Variants in GJC1 observed in about 807,000 individuals in gnomAD.
GJC1 encodes gap junction protein gamma 1, also known as gap junction gamma-1 protein.
Under a neutral mutation model 29.3 loss-of-function variants are expected in GJC1, and 5 were observed. The ratio of observed to expected loss-of-function variants is 0.17; its 90% CI spans 0.09 to 0.36. The LOEUF is 0.36. Among genes scored for constraint, GJC1 ranks in the 10% least tolerant of loss-of-function variants. The pLI, the probability that GJC1 is intolerant of heterozygous loss-of-function variation, is 1.00. For synonymous variants in GJC1, 177 were observed against 183.3 expected (o/e 0.97, Z 0.28); for missense variants, 310 against 496.2 (o/e 0.62, Z 3.56).
chr17:44,810,297 A>G (rs2049963244), intron 1 of GJC1, among the ~76,000 whole-genome samples: 2 of 152,186 alleles, frequency 1.3e-5, no homozygotes, highest in Admixed American at 1.3e-4. Flanking sequence ...GCGCCCGGCC[A>G]AATGTGTATC....
chr17:44,826,601 G>A (rs1006726360), intron 1 of GJC1, among the ~76,000 whole-genome samples: 1 of 151,834 alleles, frequency 6.6e-6, no homozygotes, highest in Admixed American at 6.6e-5. Flanking sequence ...AAACTCTTTG[G>A]GCAATATATT....
chr17:44,822,695 G>A (rs979013965), intron 1 of GJC1, among the ~76,000 whole-genome samples: 2 of 146,496 alleles, frequency 1.4e-5, no homozygotes, highest in Non-Finnish European at 3.0e-5. Flanking sequence ...GTGTGATAGA[G>A]CCACTTAATA....
At position 44,830,251 on chromosome 17, in the gene GJC1, C is replaced by T; in HGVS notation, c.-286G>A. The stretch of plus-strand genomic sequence containing the variant: ...CTCCCGCCGCTGCCGCCGCCGCCGC[C>T]GCCTCCCGCTCCCGCCGCCGCGACC... On this transcript the variant is annotated 5_prime_UTR_variant, in exon 1 of 3. Coordinates refer to ENST00000592524, the MANE Select transcript of GJC1 (RefSeq NM_005497.4). The surrounding 1 kb of genome is among the most constrained non-coding windows in gnomAD (Gnocchi z 4.3). 1 of 160,168 alleles carries T rather than the reference C, an allele frequency of 6.2e-6. No individual in the cohort carries two copies. Among genetic ancestry groups the T allele is most frequent in the Non-Finnish European group, 1.3e-5 (1 of 75,318 alleles). 9.9% of individuals were successfully genotyped at this position (160,168 alleles called of 1,614,324 possible). A position where few individuals can be genotyped will look rare whatever the true frequency, so the allele number is the denominator to read the frequency against.
At chr17:44,814,278 C>T (rs1312798560) in intron 1 of GJC1, among the ~76,000 whole-genome samples, 1 of 151,544 alleles carries the variant, frequency 6.6e-6, no homozygotes, top group Admixed American at 6.6e-5. Flanking sequence ...GAAGCTGGGA[C>T]TACAGGTGCC....
rs1474235003 is a variant in GJC1 at position 44,798,466 on chromosome 17, T to C, written c.*6161A>G. ...CCACAAATGAATCTTCAAAACTGTA[T>C]TTGGAATTGACAAAATCTTCCTAGA... On this transcript the variant is annotated 3_prime_UTR_variant, in exon 3 of 3. Coordinates refer to ENST00000592524, the MANE Select transcript of GJC1 (RefSeq NM_005497.4). 3 of 152,162 alleles carry C rather than the reference T, an allele frequency of 2.0e-5. No individual in the cohort carries two copies. The allele number at this position is 152,162 out of a possible 1,614,324, so 9.4% of individuals were successfully genotyped here.
chr17:44,825,939 G>C (rs1567716198), intron 1 of GJC1, among the ~76,000 whole-genome samples: 1 of 151,864 alleles, frequency 6.6e-6, no homozygotes. Flanking sequence ...TTTTTATTTT[G>C]AGACAGAGTC....
In GJC1 at chr17:44,803,215, C is replaced by T. The variant is rs940047238; in HGVS notation, c.*1412G>A. 2.0e-5 allele frequency: 3 copies of T among 152,030 alleles called. No homozygotes were observed. Among genetic ancestry groups the T allele is most frequent in the Non-Finnish European group, 2.9e-5 (2 of 68,024 alleles). The allele number at this position is 152,030 out of a possible 1,614,324, so 9.4% of individuals were successfully genotyped here. On this transcript the variant is annotated 3_prime_UTR_variant, in exon 3 of 3. Transcript: ENST00000592524. ...CTTTCATTAGAAAAGGGTGAGACGC[C>T]CAAATAAAATGCTCCCTGGTGGAAC...
upstream of GJC1, chr17:44,830,618 G>C: frequency 2.5e-6 from 1 of 398,680 alleles, no homozygotes; most frequent in Non-Finnish European, 4.4e-6. The surrounding 1 kb of genome is among the most constrained non-coding windows in gnomAD (Gnocchi z 4.3). Context: ...CGCTAACGGC[G>C]CCGTGGGTTC....
rs1333940779 is a variant in GJC1, at chr17:44,799,692, G to A, written c.*4935C>T. On this transcript the variant is annotated 3_prime_UTR_variant, in exon 3 of 3. Coordinates refer to ENST00000592524, the MANE Select transcript of GJC1 (RefSeq NM_005497.4). ...CCAGCACCTTCGGAGGCTGTGATGGGAGGATTGCTTGGGCCCAGGAGTTTG... is the reference window on the plus strand; with the variant it reads ...CCAGCACCTTCGGAGGCTGTGATGGAAGGATTGCTTGGGCCCAGGAGTTTG... 1.3e-5 allele frequency: 2 copies of A among 152,276 alleles called. No individual in the cohort carries two copies. Among genetic ancestry groups the A allele is most frequent in the Non-Finnish European group, 2.9e-5 (2 of 68,066 alleles). The allele number at this position is 152,276 out of a possible 1,614,324, so 9.4% of individuals were successfully genotyped here.
rs2049814563 is a variant in GJC1 at position 44,799,373 on chromosome 17, T to C, written c.*5254A>G. The C allele has an allele frequency of 6.6e-6, 1 of 151,550 alleles. No homozygotes were observed. Among genetic ancestry groups the C allele is most frequent in the East Asian group, 1.9e-4 (1 of 5,136 alleles). 9.4% of individuals were successfully genotyped at this position (151,550 alleles called of 1,614,324 possible). On this transcript the variant is annotated 3_prime_UTR_variant, in exon 3 of 3. Coordinates refer to ENST00000592524, the MANE Select transcript of GJC1 (RefSeq NM_005497.4). ...GGTGTGCACCACCATGCCCGGCTAA[T>C]TTTTGTATTTTTAGTAGAGAGGGGG...
intron 1 of GJC1, among the ~76,000 whole-genome samples, chr17:44,815,382 TTATATC>T (rs2050030586): frequency 6.6e-6 from 1 of 152,126 alleles, no homozygotes; most frequent in Non-Finnish European, 1.5e-5. Context: ...TGCCTTGAGT[TTATATC>T]TATAAATTCT....
intron 2 of GJC1, among the ~76,000 whole-genome samples, chr17:44,806,966 G>C (rs1282567835): frequency 6.6e-6 from 1 of 152,156 alleles, no homozygotes; most frequent in Non-Finnish European, 1.5e-5. Flanking sequence ...AGGGAACTAG[G>C]AAGATCTTCC....
At chr17:44,809,966 C>G (rs1467241567) in intron 1 of GJC1, among the ~76,000 whole-genome samples, 2 of 151,920 alleles carry the variant, frequency 1.3e-5, no homozygotes, top group Non-Finnish European at 2.9e-5. Flanking sequence ...TCACACCATT[C>G]TCCTGCCTCA....
chr17:44,823,558 CCTT>C (rs1214756458), intron 1 of GJC1, among the ~76,000 whole-genome samples: 1 of 151,066 alleles, frequency 6.6e-6, no homozygotes, highest in Non-Finnish European at 1.5e-5. Context: ...CCTCTTTCCT[CCTT>C]TTTTTTAAAA....
At chr17:44,818,768 C>T (rs566492840) in intron 1 of GJC1, among the ~76,000 whole-genome samples, 1 of 152,028 alleles carries the variant, frequency 6.6e-6, no homozygotes, top group South Asian at 2.1e-4. Context: ...GCACTCCAGC[C>T]TGGGCAAGAG....
rs745700083 is a variant in GJC1 at position 44,805,324 on chromosome 17, C to T, written c.494G>A (p.Arg165Gln). The T allele has an allele frequency of 1.2e-6, 2 of 1,614,166 alleles. No individual in the cohort carries two copies. The highest frequency in any genetic ancestry group is 2.7e-5 in the African/African-American group (2 of 75,060). The change falls in exon 3 of 3, where the codon CGA becomes CAA. Residue 165 changes from arginine to glutamine, a missense_variant. Physicochemically the swap from Arg to Gln is conservative, Grantham distance 43. Coordinates refer to ENST00000592524, the MANE Select transcript of GJC1 (RefSeq NM_005497.4). The surrounding 1 kb of genome is among the most constrained non-coding windows in gnomAD (Gnocchi z 5.1). Reference sequence around the variant, plus strand: ...GAGCCCATCTTCCCGAATCCGTCGTCGGCCATCATGCTTAGGTTTGGGTTG... The same window carrying T: ...GAGCCCATCTTCCCGAATCCGTCGTTGGCCATCATGCTTAGGTTTGGGTTG... ...QSQPKPKHDG[R>Q]RRIREDGLMK... is the part of the protein sequence containing the mutation.
chr17:44,821,675 C>T (rs1338586788), intron 1 of GJC1, among the ~76,000 whole-genome samples: 2 of 98,090 alleles, frequency 2.0e-5, no homozygotes, highest in East Asian at 3.5e-4. Flanking sequence ...CCAGCCTGGG[C>T]AACAAGAGGG....
chr17:44,819,645 G>A (rs1019080746), intron 1 of GJC1, among the ~76,000 whole-genome samples: 9 of 151,418 alleles, frequency 5.9e-5, no homozygotes, highest in East Asian at 1.9e-4. Flanking sequence ...GCGACAGAGC[G>A]AGACTCCGTC....
rs930233861 is a variant in GJC1, at chr17:44,804,733, G to A, written c.1085C>T (p.Pro362Leu). 3 of 1,614,068 alleles carry A rather than the reference G, an allele frequency of 1.9e-6. No individual in the cohort carries two copies. In the African/African-American group the frequency reaches 4.0e-5, roughly 22 times the overall value. Residue 362 changes from proline (P) to leucine (L), a missense_variant, in exon 3 of 3, where the codon CCT (proline) becomes CTT (leucine). Around this residue, in one of 4 missense-constraint regions of GJC1, gnomAD observed 146 missense variants for 165.0 expected, o/e 0.88. Transcript: ENST00000592524. ...GGCCTTCTTCTCCCGGGGACCATGAGGGTTGTTTTGGTGACTGTAGGCCTG... is the reference window on the plus strand; with the variant it reads ...GGCCTTCTTCTCCCGGGGACCATGAAGGTTGTTTTGGTGACTGTAGGCCTG... ...AVQAYSHQNN[P>L]HGPREKKAKV...
Sources: allele counts gnomAD v4.1 joint callset (sites outside exome capture counted in the v4.1 genomes callset), GRCh38; gene constraint gnomAD v4.1.1; regional missense constraint gnomAD v4.1.1; non-coding constraint Gnocchi (gnomAD v3.1); transcripts MANE v1.5; gene names NCBI Gene and HGNC (gene_info 2026-07-23, HGNC 2026-07-21).